Variants in HECW2 observed in about 807,000 individuals in gnomAD.
HECW2 encodes E3 ubiquitin-protein ligase HECW2.
HECW2 carries 61 observed loss-of-function variants against 175.2 expected under a neutral mutation model. The ratio of observed to expected loss-of-function variants is 0.35; its 90% confidence interval spans 0.28 to 0.43. The LOEUF (loss-of-function observed/expected upper bound fraction) is 0.43. HECW2 is among the 20% of genes least tolerant of loss of function. HECW2 has a pLI of 1.00. For synonymous variants in HECW2, 671 were observed against 731.0 expected (o/e 0.92, Z 1.32); for missense variants, 1,524 against 2,000.5 (o/e 0.76, Z 4.54).
chr2:196,488,199 A>G (rs1457130485), intron 1 of HECW2, among the ~76,000 whole-genome samples: 3 of 152,216 alleles, frequency 2.0e-5, no homozygotes, highest in Admixed American at 2.0e-4. Flanking sequence ...CATTTCTCAA[A>G]GGCGTATGGT....
intron 1 of HECW2, among the ~76,000 whole-genome samples, chr2:196,468,743 G>T (rs576681810): frequency 6.6e-6 from 1 of 152,232 alleles, no homozygotes; most frequent in Non-Finnish European, 1.5e-5. Context: ...AAATAACTCA[G>T]GTCAGCAAGA....
intron 4 of HECW2, among the ~76,000 whole-genome samples, chr2:196,330,655 C>A (rs1212778263): frequency 6.6e-6 from 1 of 152,128 alleles, no homozygotes; most frequent in Non-Finnish European, 1.5e-5. Flanking sequence ...AGATCGAACT[C>A]CTCATCTCCC....
chr2:196,571,429 C>T (rs981861622), intron 1 of HECW2, among the ~76,000 whole-genome samples: 24 of 152,092 alleles, frequency 1.6e-4, no homozygotes, highest in African/African-American at 5.3e-4. Flanking sequence ...CAAGTTGAGG[C>T]TGGGCGCAGT....
intron 23 of HECW2, among the ~76,000 whole-genome samples, chr2:196,225,256 A>C (rs75913763): frequency 0.025 from 3,823 of 152,358 alleles, 128 homozygotes; most frequent in East Asian, 0.17. Flanking sequence ...GGCATAGAGA[A>C]AGTTTAAGAA....
chr2:196,523,489 C>G (rs1688502211), intron 1 of HECW2, among the ~76,000 whole-genome samples: 1 of 149,922 alleles, frequency 6.7e-6, no homozygotes, highest in Non-Finnish European at 1.5e-5. Flanking sequence ...CCTAATTGCC[C>G]TGGCCAGAAC....
chr2:196,372,764 T>G (rs1693943964), intron 2 of HECW2, among the ~76,000 whole-genome samples: 1 of 152,228 alleles, frequency 6.6e-6, no homozygotes, highest in Admixed American at 6.5e-5. Flanking sequence ...CTTAACATTT[T>G]TTTTAGAAAC....
intron 2 of HECW2, among the ~76,000 whole-genome samples, chr2:196,387,690 A>G (rs1158386835): frequency 1.3e-5 from 2 of 152,170 alleles, no homozygotes; most frequent in African/African-American, 2.4e-5. Context: ...CTACATATCT[A>G]TATATAGAGA....
intron 15 of HECW2, among the ~76,000 whole-genome samples, chr2:196,275,898 G>A (rs575027610): frequency 6.6e-6 from 1 of 152,320 alleles, no homozygotes; most frequent in South Asian, 2.1e-4. Context: ...AATATTTGCT[G>A]AAGGAATATA....
intron 2 of HECW2, among the ~76,000 whole-genome samples, chr2:196,369,789 C>T (rs1424293516): frequency 6.6e-6 from 1 of 152,086 alleles, no homozygotes; most frequent in East Asian, 1.9e-4. Context: ...AGGCATTTCT[C>T]CCTATGGCCA....
At chr2:196,449,185 C>T (rs1382192125) in intron 1 of HECW2, among the ~76,000 whole-genome samples, 3 of 148,816 alleles carry the variant, frequency 2.0e-5, no homozygotes, top group East Asian at 1.9e-4. Flanking sequence ...TACCAGCTTC[C>T]TCCCACCCCA....
In HECW2 at chr2:196,200,389, T is replaced by C. The variant is rs941124844; in HGVS notation, c.*888A>G. The C allele has an allele frequency of 1.3e-5, 2 of 152,574 alleles. No individual in the cohort carries two copies. Among genetic ancestry groups the C allele is most frequent in the African/African-American group, 2.4e-5 (1 of 41,426 alleles). The allele number at this position is 152,574 out of a possible 1,614,324, so 9.5% of individuals were successfully genotyped here. A position where few individuals can be genotyped will look rare whatever the true frequency, so the allele number is the denominator to read the frequency against. ...CCTTGAGAGTGCTTAAAAGGATACATATTAGCATGATGCCCGAGTATGCAT... is the reference window on the plus strand; with the variant it reads ...CCTTGAGAGTGCTTAAAAGGATACACATTAGCATGATGCCCGAGTATGCAT... On this transcript the variant is annotated 3_prime_UTR_variant, in exon 29 of 29. Transcript: ENST00000644978.
intron 2 of HECW2, among the ~76,000 whole-genome samples, chr2:196,386,658 A>G (rs1310493639): frequency 1.3e-5 from 2 of 152,204 alleles, no homozygotes; most frequent in South Asian, 2.1e-4. Flanking sequence ...TGAAGGCCTC[A>G]GGGACAAGAC....
intron 2 of HECW2, among the ~76,000 whole-genome samples, chr2:196,395,819 G>A (rs74997701): frequency 0.14 from 21,356 of 151,634 alleles, 1,727 homozygotes; most frequent in African/African-American, 0.2. Context: ...AAAATTATAC[G>A]GTAATTCTTC....
At chr2:196,396,774 G>T (rs1694671372) in intron 2 of HECW2, among the ~76,000 whole-genome samples, 1 of 151,654 alleles carries the variant, frequency 6.6e-6, no homozygotes, top group Non-Finnish European at 1.5e-5. Context: ...GCAAACTATT[G>T]TCTTGCAAAA....
chr2:196,581,131 G>A (rs1270296330), intron 1 of HECW2, among the ~76,000 whole-genome samples: 1 of 152,162 alleles, frequency 6.6e-6, no homozygotes, highest in African/African-American at 2.4e-5. Context: ...TTGGGAGCAG[G>A]AAAAACGGGA....
chr2:196,413,509 C>T (rs1695172286), intron 2 of HECW2, among the ~76,000 whole-genome samples: 5 of 152,142 alleles, frequency 3.3e-5, no homozygotes, highest in Admixed American at 3.3e-4. Flanking sequence ...CCATGCCCGG[C>T]TAATTTTTGT....
intron 16 of HECW2, among the ~76,000 whole-genome samples, chr2:196,273,386 C>T (rs758581114): frequency 2.4e-4 from 36 of 152,208 alleles, no homozygotes; most frequent in South Asian, 6.2e-4. Flanking sequence ...TAATTTAAGA[C>T]GGAGCACGGA....
chr2:196,588,659 T>TAC (rs935901803), intron 1 of HECW2, among the ~76,000 whole-genome samples: 19 of 152,130 alleles, frequency 1.2e-4, no homozygotes, highest in African/African-American at 3.6e-4. Context: ...ATACATTGCA[T>TAC]ACACACACAC....
At chr2:196,533,095 C>T (rs1022355935) in intron 1 of HECW2, among the ~76,000 whole-genome samples, 2 of 152,190 alleles carry the variant, frequency 1.3e-5, no homozygotes, top group South Asian at 2.1e-4. Flanking sequence ...AATAAGATTA[C>T]AATTGCATCT....
Sources: gnomAD v4.1 joint callset for allele counts (sites outside exome capture counted in the v4.1 genomes callset) on GRCh38, gnomAD v4.1.1 for gene constraint, MANE v1.5 for transcripts, NCBI Gene and HGNC (gene_info 2026-07-23, HGNC 2026-07-21) for gene names.